FMNL2: variants seen among roughly 807,000 people sequenced by gnomAD.
FMNL2 encodes the protein formin-like protein 2.
In FMNL2, 51 loss-of-function variants were observed where a neutral mutation model predicts 130.2. The observed-to-expected ratio is 0.39, with a 90% CI of 0.31 to 0.49. The LOEUF (loss-of-function observed/expected upper bound fraction) is 0.49, where lower values mean the gene tolerates loss of function less well. FMNL2 is among the 20% of genes least tolerant of loss of function. The pLI, the probability that FMNL2 is intolerant of heterozygous loss-of-function variation, is 0.85. For missense variants in FMNL2, 977 were observed against 1,316.2 expected (o/e 0.74, Z 3.99); for synonymous variants, 465 against 467.1 (o/e 1.00, Z 0.06).
chr2:152,390,745 C>A, intron 1 of FMNL2: 1 of 643,924 alleles, frequency 1.6e-6, no homozygotes. Context: ...AGGCATGGGA[C>A]TGGCCTAGAC....
At chr2:152,380,453 C>T (rs1433954913) in intron 1 of FMNL2, among the ~76,000 whole-genome samples, 2 of 152,244 alleles carry the variant, frequency 1.3e-5, no homozygotes, top group Non-Finnish European at 2.9e-5. Context: ...TCAGTTCTTA[C>T]AAGTTCTTGC....
intron 1 of FMNL2, among the ~76,000 whole-genome samples, chr2:152,380,039 C>G (rs989891196): frequency 1.3e-5 from 2 of 152,184 alleles, no homozygotes; most frequent in Admixed American, 1.3e-4. Flanking sequence ...TCTGGGGCTA[C>G]TCTTTCAACA....
chr2:152,438,068 T>C (rs1687858443), intron 1 of FMNL2, among the ~76,000 whole-genome samples: 2 of 152,352 alleles, frequency 1.3e-5, no homozygotes, highest in South Asian at 4.1e-4. Flanking sequence ...TAAGGTCTTG[T>C]CTTATTCCAA....
intron 1 of FMNL2, among the ~76,000 whole-genome samples, chr2:152,397,976 C>G (rs1685491125): frequency 6.6e-6 from 1 of 152,000 alleles, no homozygotes; most frequent in Non-Finnish European, 1.5e-5. Flanking sequence ...AATACAAAAA[C>G]TATCTGGGTG....
intron 2 of FMNL2, among the ~76,000 whole-genome samples, chr2:152,537,388 A>G (rs1024482157): frequency 6.6e-6 from 1 of 152,214 alleles, no homozygotes; most frequent in African/African-American, 2.4e-5. Context: ...CAGTAGGGAA[A>G]GAGGAAGCTA....
chr2:152,535,945 G>C (rs981135995), intron 2 of FMNL2, among the ~76,000 whole-genome samples: 4 of 152,230 alleles, frequency 2.6e-5, no homozygotes, highest in African/African-American at 9.6e-5. Flanking sequence ...TGAAATTTCA[G>C]AATTTTTATT....
chr2:152,470,656 CCTT>C (rs1689811475), intron 1 of FMNL2, among the ~76,000 whole-genome samples: 1 of 152,178 alleles, frequency 6.6e-6, no homozygotes, highest in South Asian at 2.1e-4. Flanking sequence ...GACAATATAG[CCTT>C]CTCATATTGC....
chr2:152,591,429 T>C (rs13426403), intron 9 of FMNL2, among the ~76,000 whole-genome samples: 9,857 of 152,266 alleles, frequency 0.065, 478 homozygotes, highest in East Asian at 0.17. Context: ...GAATCAGAAC[T>C]GTTTGGAATT....
At chr2:152,454,603 A>G (rs1488915068) in intron 1 of FMNL2, among the ~76,000 whole-genome samples, 1 of 152,202 alleles carries the variant, frequency 6.6e-6, no homozygotes, top group Admixed American at 6.5e-5. Flanking sequence ...TCAGGTGACA[A>G]ACTTTGTCTA....
At chr2:152,422,719 T>G (rs576200579) in intron 1 of FMNL2, among the ~76,000 whole-genome samples, 2 of 152,170 alleles carry the variant, frequency 1.3e-5, no homozygotes, top group East Asian at 3.9e-4. Context: ...TGTAGAGACT[T>G]GATTTTGCCA....
At chr2:152,567,648 C>T (rs1695929515) in intron 6 of FMNL2, among the ~76,000 whole-genome samples, 1 of 152,118 alleles carries the variant, frequency 6.6e-6, no homozygotes, top group Non-Finnish European at 1.5e-5. Flanking sequence ...ACCTAAAACC[C>T]CAAATCTTGG....
chr2:152,457,567 T>G (rs1375529399), intron 1 of FMNL2, among the ~76,000 whole-genome samples: 1 of 152,202 alleles, frequency 6.6e-6, no homozygotes, highest in Non-Finnish European at 1.5e-5. Flanking sequence ...CAACTCTTTG[T>G]GGTGGGTGGA....
intron 1 of FMNL2, among the ~76,000 whole-genome samples, chr2:152,430,429 G>A (rs1220887760): frequency 6.6e-6 from 1 of 152,202 alleles, no homozygotes; most frequent in East Asian, 1.9e-4. Context: ...TTTAATTGGA[G>A]ATGAGTGAAA....
intron 1 of FMNL2, among the ~76,000 whole-genome samples, chr2:152,370,100 T>C (rs537582900): frequency 2.0e-5 from 3 of 152,350 alleles, no homozygotes; most frequent in East Asian, 1.9e-4. Context: ...TATGGCTTCA[T>C]ACCTTTTGTC....
intron 1 of FMNL2, among the ~76,000 whole-genome samples, chr2:152,446,420 G>A (rs1688339374): frequency 1.3e-5 from 2 of 152,164 alleles, no homozygotes; most frequent in South Asian, 4.1e-4. Flanking sequence ...GGGGATGGTA[G>A]CTGAAACCAG....
intron 25 of FMNL2, among the ~76,000 whole-genome samples, chr2:152,646,157 C>CAAAAAA (rs3080636): frequency 1.7e-5 from 2 of 116,874 alleles, no homozygotes; most frequent in East Asian, 2.1e-4. Flanking sequence ...CCCATCTCTA[C>CAAAAAA]AAAAAAAAAA....
At chr2:152,400,672 T>C (rs1685643222) in intron 1 of FMNL2, among the ~76,000 whole-genome samples, 1 of 152,202 alleles carries the variant, frequency 6.6e-6, no homozygotes, top group South Asian at 2.1e-4. Context: ...ACACTATTTA[T>C]GCATTTGGGA....
chr2:152,616,185 G>A (rs1698934537), intron 12 of FMNL2, among the ~76,000 whole-genome samples: 1 of 152,106 alleles, frequency 6.6e-6, no homozygotes, highest in African/African-American at 2.4e-5. Flanking sequence ...AAAAGCAGCT[G>A]TTTAACACAT....
chr2:152,606,360 T>G (rs1041341812), intron 9 of FMNL2, among the ~76,000 whole-genome samples: 1 of 152,196 alleles, frequency 6.6e-6, no homozygotes, highest in Non-Finnish European at 1.5e-5. Context: ...GGTATAGGAC[T>G]TTGCCCCAAA....
Sources: allele counts gnomAD v4.1 joint callset (sites outside exome capture counted in the v4.1 genomes callset), GRCh38; gene constraint gnomAD v4.1.1; transcripts MANE v1.5; gene names NCBI Gene and HGNC (gene_info 2026-07-23, HGNC 2026-07-21).